The following NIBAN2 variants were observed in gnomAD, a reference collection of about 807,000 sequenced individuals.
NIBAN2 encodes niban apoptosis regulator 2.
NIBAN2 carries 36 observed loss-of-function variants against 81.8 expected under a neutral mutation model. The ratio of observed to expected loss-of-function variants is 0.44; its 90% CI spans 0.34 to 0.58. The LOEUF is 0.58. Among genes scored for constraint, NIBAN2 ranks in the 20% least tolerant of loss-of-function variants. The pLI, the probability that NIBAN2 is intolerant of heterozygous loss-of-function variation, is 0.02. For synonymous variants in NIBAN2, 445 were observed against 441.6 expected (o/e 1.01, Z -0.10); for missense variants, 897 against 1,014.1 (o/e 0.88, Z 1.57).
upstream of NIBAN2, among the ~76,000 whole-genome samples, chr9:127,572,063 C>G (rs903961014): frequency 6.6e-6 from 1 of 152,186 alleles, no homozygotes; most frequent in Non-Finnish European, 1.5e-5. Context: ...GAGACAAGGT[C>G]TCTCTGTGTC....
At chr9:127,542,883 T>C (rs1001234112) in intron 1 of NIBAN2, among the ~76,000 whole-genome samples, 1 of 152,174 alleles carries the variant, frequency 6.6e-6, no homozygotes, top group Non-Finnish European at 1.5e-5. Flanking sequence ...CCATCACACC[T>C]GGCTAATTTT....
chr9:127,520,644 A>G (rs1300173922), intron 5 of NIBAN2, among the ~76,000 whole-genome samples: 1 of 152,176 alleles, frequency 6.6e-6, no homozygotes, highest in Non-Finnish European at 1.5e-5. Flanking sequence ...GGCCGGGCAC[A>G]GTGACTCACG....
chr9:127,573,567 G>T (rs780467308), upstream of NIBAN2, among the ~76,000 whole-genome samples: 3 of 151,754 alleles, frequency 2.0e-5, no homozygotes, highest in Non-Finnish European at 4.4e-5. Flanking sequence ...CTGCCCTCAC[G>T]CTGGAGGCCA....
At chr9:127,535,901 C>T (rs1040040909) in intron 1 of NIBAN2, among the ~76,000 whole-genome samples, 3 of 151,800 alleles carry the variant, frequency 2.0e-5, no homozygotes, top group Admixed American at 2.0e-4. Context: ...AAGGGAAGGC[C>T]GTGGGGCAGG....
rs756007878 is a variant in NIBAN2, at chr9:127,507,237, G to A, written c.1849C>T (p.Arg617Trp). 10 of 1,610,736 alleles carry A rather than the reference G, an allele frequency of 6.2e-6. No homozygotes were observed. The East Asian group carries it at 6.7e-5, about 11-fold the overall frequency. Residue 617 changes from arginine (R) to tryptophan (W), a missense_variant, in exon 14 of 14, where the codon CGG becomes TGG. Physicochemically the swap from Arg to Trp is moderately radical, Grantham distance 101. Around this residue, in one of 3 missense-constraint regions of NIBAN2, gnomAD observed 619 missense variants for 691.0 expected, o/e 0.90. Coordinates refer to ENST00000373312, the MANE Select transcript of NIBAN2 (RefSeq NM_022833.4). The surrounding 1 kb of genome is among the most constrained non-coding windows in gnomAD (Gnocchi z 6.8). ...ACAGAGACCACCTGCTTGGCGCGCC[G>A]TCGCTTTTCCGAGAGGGTGGCTGAC... ...PESATLSEKRRRAKQVVSVVQ... is the reference protein window; with the variant it reads ...PESATLSEKRWRAKQVVSVVQ...
chr9:127,506,707 G>C lies in NIBAN2; in HGVS notation c.*138C>G, dbSNP rs1413903085. The C allele has an allele frequency of 1.5e-5, 10 of 656,208 alleles. No individual in the cohort carries two copies. The highest frequency in any genetic ancestry group is 2.2e-5 in the Non-Finnish European group (9 of 413,736). 40.6% of individuals were successfully genotyped at this position (656,208 alleles called of 1,614,324 possible). On this transcript the variant is annotated 3_prime_UTR_variant, in exon 14 of 14. Coordinates refer to ENST00000373312, the MANE Select transcript of NIBAN2 (RefSeq NM_022833.4). The stretch of plus-strand genomic sequence containing the variant: ...CCAATAAAGTGACTCAGGTGGGCCC[G>C]CTCCCTGGCGGTGCCACACAGCCCT...
In NIBAN2 at chr9:127,547,791, C is replaced by G. The variant is rs566237341; in HGVS notation, c.56-16013G>C. ...GGTGGAGGTTGCAGTGAGCAGAGAT[C>G]GCACCATTGCACTCCAGCCTGGGCA... On this transcript the variant is annotated intron_variant, in intron 1 of 13. Transcript: ENST00000373312. 3.9e-5 allele frequency among the ~76,000 whole-genome samples: 6 copies of G among 152,186 alleles called. No homozygotes were observed. The South Asian group carries it at 1.2e-3, about 32-fold the overall frequency.
chr9:127,554,911 T>C (rs1352236039), intron 1 of NIBAN2, among the ~76,000 whole-genome samples: 1 of 152,058 alleles, frequency 6.6e-6, no homozygotes. Flanking sequence ...GTTATTCTTT[T>C]TGATTTAATC....
rs150011687 is a variant in NIBAN2 at position 127,521,883 on chromosome 9, C to A, written c.589+1796G>T. On this transcript the variant is annotated intron_variant, in intron 5 of 13. Transcript: ENST00000373312. ...CCCACGGCCAAGTGCCCCACCCAGA[C>A]CAGCTCTTCCCAATCATCTCTCAAG... Among the ~76,000 whole-genome samples, 370 of 152,352 alleles carry A rather than the reference C, an allele frequency of 2.4e-3. 5 individuals are homozygous for A. The highest frequency in any genetic ancestry group is 8.1e-3 in the East Asian group (42 of 5,172).
chr9:127,569,503 A>G (rs988733729), upstream of NIBAN2, among the ~76,000 whole-genome samples: 5 of 151,194 alleles, frequency 3.3e-5, no homozygotes, highest in African/African-American at 1.2e-4. Flanking sequence ...CCCCTCCCCA[A>G]CCTTGCCCGC....
rs754679533 is a variant in NIBAN2, at chr9:127,516,851, G to A, written c.973+6C>T. ...GGGCCCGTCGAGCACGGGGGTGGCT[G>A]CCTACCTCGGATCTTGCTGGCAAGG... On this transcript the variant is annotated splice_donor_region_variant and intron_variant, in intron 8 of 13. Coordinates refer to ENST00000373312, the MANE Select transcript of NIBAN2 (RefSeq NM_022833.4). 13 of 1,609,534 alleles carry A rather than the reference G, an allele frequency of 8.1e-6. No individual in the cohort carries two copies. In the African/African-American group the frequency reaches 1.5e-4, roughly 18 times the overall value.
intron 1 of NIBAN2, among the ~76,000 whole-genome samples, chr9:127,555,686 C>T (rs556932423): frequency 6.6e-6 from 1 of 152,374 alleles, no homozygotes; most frequent in African/African-American, 2.4e-5. Flanking sequence ...CCCTTTCCCA[C>T]TCAGTGGGCT....
chr9:127,545,363 C>G lies in NIBAN2; in HGVS notation c.56-13585G>C, dbSNP rs1466409826. 6.6e-6 allele frequency among the ~76,000 whole-genome samples: 1 copy of G among 152,210 alleles called. No homozygotes were observed. The highest frequency in any genetic ancestry group is 6.5e-5 in the Admixed American group (1 of 15,278). On this transcript the variant is annotated intron_variant, in intron 1 of 13. Transcript: ENST00000373312. The surrounding 1 kb of genome is among the most constrained non-coding windows in gnomAD (Gnocchi z 4.7). ...TTAATGCCTCATCTGAGACGCTCCC[C>G]GGACTGAGACTGCTCTCCGCTGTCT... is the stretch of plus-strand genomic sequence containing the variant.
At position 127,536,021 on chromosome 9, in the gene NIBAN2, G is replaced by A. The variant is rs986288134; in HGVS notation, c.56-4243C>T. Among the ~76,000 whole-genome samples, 2 of 152,134 alleles carry A rather than the reference G, an allele frequency of 1.3e-5. No homozygotes were observed. The highest frequency in any genetic ancestry group is 2.4e-5 in the African/African-American group (1 of 41,434). On this transcript the variant is annotated intron_variant, in intron 1 of 13. Coordinates refer to ENST00000373312, the MANE Select transcript of NIBAN2 (RefSeq NM_022833.4). This position sits in a 1 kb window ranked among gnomAD's most constrained non-coding sequence, Gnocchi z 4.0. Reference sequence around the variant, plus strand: ...CAGGCAGCACCGGGAAGCCAGCTCCGCTCAGAAGAAGGGTGGCGACCACGG... The same window carrying A: ...CAGGCAGCACCGGGAAGCCAGCTCCACTCAGAAGAAGGGTGGCGACCACGG...
chr9:127,507,240 G>C lies in NIBAN2; in HGVS notation c.1846C>G (p.Arg616Gly). The change falls in exon 14 of 14, where the codon CGA becomes GGA. Residue 616 changes from arginine to glycine, a missense_variant. Around this residue, in one of 3 missense-constraint regions of NIBAN2, gnomAD observed 619 missense variants for 691.0 expected, o/e 0.90. Coordinates refer to ENST00000373312, the MANE Select transcript of NIBAN2 (RefSeq NM_022833.4). The surrounding 1 kb of genome is among the most constrained non-coding windows in gnomAD (Gnocchi z 6.8). ...GAGACCACCTGCTTGGCGCGCCGTC[G>C]CTTTTCCGAGAGGGTGGCTGACTCC... ...TPESATLSEK[R>G]RRAKQVVSVV... The C allele has an allele frequency of 6.2e-7, 1 of 1,610,388 alleles. No homozygotes were observed. The highest frequency in any genetic ancestry group is 8.5e-7 in the Non-Finnish European group (1 of 1,177,828).
At chr9:127,515,603 G>A (rs1435204011) in intron 8 of NIBAN2, among the ~76,000 whole-genome samples, 5 of 151,418 alleles carry the variant, frequency 3.3e-5, no homozygotes, top group Non-Finnish European at 7.4e-5. Context: ...TTGGGAGGCC[G>A]AGGCAGGTGG....
chr9:127,535,425 G>A (rs751516245), intron 1 of NIBAN2, among the ~76,000 whole-genome samples: 4 of 152,228 alleles, frequency 2.6e-5, no homozygotes, highest in Non-Finnish European at 2.9e-5. Flanking sequence ...ATGTCCCACC[G>A]AGGGACAGTT....
chr9:127,508,270 C>G lies in NIBAN2; in HGVS notation c.1435-70G>C. On this transcript the variant is annotated intron_variant, in intron 11 of 13. Transcript: ENST00000373312. This position sits in a 1 kb window ranked among gnomAD's most constrained non-coding sequence, Gnocchi z 6.4. ...CATTGGCCCTGAGGGTAGGACGAGG[C>G]CAGTGGTCTGACCCAAGCCTCCGAG... The G allele has an allele frequency of 5.6e-6, 8 of 1,416,486 alleles. 1 individual carries two copies. In the South Asian group the frequency reaches 9.5e-5, roughly 17 times the overall value. The allele number at this position is 1,416,486 out of a possible 1,614,324, so 87.7% of individuals were successfully genotyped here.
intron 1 of NIBAN2, among the ~76,000 whole-genome samples, chr9:127,550,954 C>T (rs1325959377): frequency 2.0e-5 from 3 of 151,998 alleles, no homozygotes. Flanking sequence ...CCCCCTGTCC[C>T]GTGTGCTGGG....
Sources: gnomAD v4.1 joint callset for allele counts (sites outside exome capture counted in the v4.1 genomes callset) on GRCh38, gnomAD v4.1.1 for gene constraint, gnomAD v4.1.1 regional missense constraint, Gnocchi (gnomAD v3.1) non-coding constraint, MANE v1.5 for transcripts, NCBI Gene and HGNC (gene_info 2026-07-23, HGNC 2026-07-21) for gene names.